The following KCNQ5 variants were observed in gnomAD, a reference collection of about 807,000 sequenced individuals.
The protein encoded by KCNQ5 is potassium voltage-gated channel subfamily KQT member 5.
Under a neutral mutation model 98.2 loss-of-function variants are expected in KCNQ5, and 30 were observed. That is an observed-to-expected ratio of 0.31 (90% confidence interval 0.23 to 0.41). The LOEUF is 0.41. Among genes scored for constraint, KCNQ5 ranks in the 10% least tolerant of loss-of-function variants. The pLI is 1.00. For synonymous variants in KCNQ5, 458 were observed against 449.4 expected, an observed-to-expected ratio of 1.02 and a Z score of -0.24; for missense variants, 835 against 1,182.5, an observed-to-expected ratio of 0.71 and a Z score of 4.31.
intron 1 of KCNQ5, among the ~76,000 whole-genome samples, chr6:72,800,011 A>G (rs530763824): frequency 3.6e-4 from 55 of 152,192 alleles, no homozygotes; most frequent in Non-Finnish European, 5.9e-4. Context: ...ATTCAGACAG[A>G]GGAAAAAAAT....
chr6:72,644,473 G>T (rs1381149612), intron 1 of KCNQ5, among the ~76,000 whole-genome samples: 1 of 152,082 alleles, frequency 6.6e-6, no homozygotes, highest in Non-Finnish European at 1.5e-5. Context: ...TTTTTGGCTG[G>T]TCTGCACATG....
intron 2 of KCNQ5, among the ~76,000 whole-genome samples, chr6:73,013,946 A>C (rs1770198711): frequency 6.6e-6 from 1 of 152,144 alleles, no homozygotes. Flanking sequence ...TTGTACTGAG[A>C]ATTCTAAATT....
chr6:72,794,243 A>G (rs1333896158), intron 1 of KCNQ5, among the ~76,000 whole-genome samples: 1 of 152,146 alleles, frequency 6.6e-6, no homozygotes. Flanking sequence ...ATCCACTTTT[A>G]GCTATGGGGT....
intron 1 of KCNQ5, among the ~76,000 whole-genome samples, chr6:72,668,463 C>CTG (rs143299838): frequency 1.2e-4 from 18 of 151,150 alleles, no homozygotes; most frequent in African/African-American, 3.9e-4. Flanking sequence ...TGTTGGGACT[C>CTG]TGTGTGTGTG....
rs547234219 is a variant in KCNQ5, at chr6:72,796,698, G to A, written c.398+174111G>A. On this transcript the variant is annotated intron_variant, in intron 1 of 13. Coordinates refer to ENST00000370398, the MANE Select transcript of KCNQ5 (RefSeq NM_019842.4). Reference sequence around the variant, plus strand: ...CCAGAGTTATTCACATCATAAATGGGAATTATAAAATGATAGGAATCTTTG... The same window carrying A: ...CCAGAGTTATTCACATCATAAATGGAAATTATAAAATGATAGGAATCTTTG... Among the ~76,000 whole-genome samples the A allele has an allele frequency of 1.7e-3, 260 of 152,284 alleles. 3 individuals carry two copies. Among genetic ancestry groups the A allele is most frequent in the South Asian group, 2.1e-3 (10 of 4,818 alleles).
intron 10 of KCNQ5, among the ~76,000 whole-genome samples, chr6:73,155,277 A>T (rs1777316796): frequency 6.6e-6 from 1 of 152,224 alleles, no homozygotes; most frequent in Admixed American, 6.5e-5. Flanking sequence ...CTGAAATTAA[A>T]ATGGTGTGTT....
chr6:72,988,841 T>G, intron 1 of KCNQ5, among the ~76,000 whole-genome samples: 2 of 97,868 alleles, frequency 2.0e-5, no homozygotes, highest in Non-Finnish European at 4.1e-5. Context: ...GAGTGTGATA[T>G]TCCCCTTCCT....
intron 1 of KCNQ5, among the ~76,000 whole-genome samples, chr6:72,828,760 GC>G (rs1776111212): frequency 6.6e-6 from 1 of 152,016 alleles, no homozygotes; most frequent in Non-Finnish European, 1.5e-5. Context: ...TAATGTGGAT[GC>G]CTCTTTATTT....
At chr6:72,732,345 G>A (rs893451737) in intron 1 of KCNQ5, among the ~76,000 whole-genome samples, 1 of 152,158 alleles carries the variant, frequency 6.6e-6, no homozygotes, top group Non-Finnish European at 1.5e-5. Context: ...ATTGCACTGA[G>A]TCCCAAAGGA....
At chr6:72,824,361 A>G (rs1237390175) in intron 1 of KCNQ5, among the ~76,000 whole-genome samples, 1 of 152,172 alleles carries the variant, frequency 6.6e-6, no homozygotes, top group Non-Finnish European at 1.5e-5. Context: ...TACCTAAATT[A>G]GAAAATCGTT....
At chr6:72,811,051 A>C (rs1775217898) in intron 1 of KCNQ5, among the ~76,000 whole-genome samples, 1 of 152,200 alleles carries the variant, frequency 6.6e-6, no homozygotes, top group South Asian at 2.1e-4. Context: ...CCTAAAACTC[A>C]TGCATGGCAT....
chr6:73,177,139 A>G (rs1291995018), intron 11 of KCNQ5, among the ~76,000 whole-genome samples: 1 of 152,218 alleles, frequency 6.6e-6, no homozygotes, highest in Admixed American at 6.5e-5. Flanking sequence ...GTCAAAGAAG[A>G]TAAAGAGTGA....
intron 3 of KCNQ5, among the ~76,000 whole-genome samples, chr6:73,048,056 G>A (rs1772050245): frequency 6.6e-6 from 1 of 152,104 alleles, no homozygotes; most frequent in South Asian, 2.1e-4. Context: ...GCACCAAATG[G>A]GCAAGGTCTT....
At chr6:73,039,943 A>T (rs1447551204) in intron 2 of KCNQ5, among the ~76,000 whole-genome samples, 2 of 152,078 alleles carry the variant, frequency 1.3e-5, no homozygotes, top group African/African-American at 4.8e-5. Flanking sequence ...ATACGACTTA[A>T]CATTTGTCTA....
intron 1 of KCNQ5, among the ~76,000 whole-genome samples, chr6:72,803,896 G>T (rs1774805769): frequency 6.6e-6 from 1 of 152,092 alleles, no homozygotes; most frequent in Non-Finnish European, 1.5e-5. Context: ...TAACTTAATA[G>T]CTATAAATAG....
At chr6:72,838,738 C>T (rs1776630379) in intron 1 of KCNQ5, among the ~76,000 whole-genome samples, 2 of 151,584 alleles carry the variant, frequency 1.3e-5, no homozygotes. Context: ...ATCACGAGGT[C>T]AGGAGATCGA....
chr6:72,760,890 A>G (rs1050749486), intron 1 of KCNQ5, among the ~76,000 whole-genome samples: 50 of 152,172 alleles, frequency 3.3e-4, no homozygotes, highest in African/African-American at 9.2e-4. Flanking sequence ...ACCTTCTTTC[A>G]CATTCTGTGC....
chr6:72,715,079 A>AT (rs1769578169), intron 1 of KCNQ5, among the ~76,000 whole-genome samples: 1 of 152,186 alleles, frequency 6.6e-6, no homozygotes, highest in East Asian at 1.9e-4. Context: ...ATTGTCTTTC[A>AT]ATTGGGACCA....
chr6:72,674,613 T>C (rs1315487105), intron 1 of KCNQ5, among the ~76,000 whole-genome samples: 1 of 151,938 alleles, frequency 6.6e-6, no homozygotes, highest in East Asian at 1.9e-4. Context: ...CTACTAAAAA[T>C]ACAAAAATTA....
Sources: gnomAD v4.1 joint callset for allele counts (sites outside exome capture counted in the v4.1 genomes callset) on GRCh38, gnomAD v4.1.1 for gene constraint, MANE v1.5 for transcripts, NCBI Gene and HGNC (gene_info 2026-07-23, HGNC 2026-07-21) for gene names.